ESRRB: variants seen among roughly 807,000 people sequenced by gnomAD.
ESRRB encodes the protein estrogen related receptor beta.
Under a neutral mutation model 46.0 loss-of-function variants are expected in ESRRB, and 16 were observed. The ratio of observed to expected loss-of-function variants is 0.35; its 90% CI spans 0.24 to 0.53. ESRRB has a LOEUF of 0.53. Among genes scored for constraint, ESRRB ranks in the 20% least tolerant of loss-of-function variants. The pLI is 0.93. For missense variants in ESRRB, 488 were observed against 607.4 expected, an observed-to-expected ratio of 0.80 and a Z score of 2.07; for synonymous variants, 246 against 259.6, an observed-to-expected ratio of 0.95 and a Z score of 0.50.
upstream of ESRRB, among the ~76,000 whole-genome samples, chr14:76,366,795 C>G (rs1884527311): frequency 6.6e-6 from 1 of 152,132 alleles, no homozygotes. Flanking sequence ...ATCCTGGCAG[C>G]TGAACCGGAA....
intron 1 of ESRRB, among the ~76,000 whole-genome samples, chr14:76,339,941 G>T (rs547782786): frequency 6.6e-6 from 1 of 152,098 alleles, no homozygotes; most frequent in Admixed American, 6.5e-5. Flanking sequence ...GGGAGAGGCC[G>T]GGACACATCC....
chr14:76,486,304 C>T (rs1890015207), intron 5 of ESRRB, among the ~76,000 whole-genome samples: 1 of 152,196 alleles, frequency 6.6e-6, no homozygotes, highest in Non-Finnish European at 1.5e-5. Context: ...TTCCACCACC[C>T]TGCCCTGCCC....
intron 2 of ESRRB, among the ~76,000 whole-genome samples, chr14:76,445,346 C>G (rs1028538153): frequency 4.0e-5 from 6 of 150,982 alleles, no homozygotes; most frequent in African/African-American, 1.5e-4. Context: ...TGGCGCATGC[C>G]TGTAATCCCA....
At chr14:76,443,345 C>A (rs1371153601) in intron 2 of ESRRB, among the ~76,000 whole-genome samples, 1 of 152,152 alleles carries the variant, frequency 6.6e-6, no homozygotes, top group African/African-American at 2.4e-5. Context: ...GCACCCTGGT[C>A]TCTGCCCGCT....
intron 1 of ESRRB, among the ~76,000 whole-genome samples, chr14:76,423,037 A>T (rs1887038399): frequency 6.6e-6 from 1 of 152,130 alleles, no homozygotes; most frequent in Admixed American, 6.6e-5. Flanking sequence ...TTGCTCTCAG[A>T]CTAGCCTCTC....
intron 1 of ESRRB, among the ~76,000 whole-genome samples, chr14:76,323,366 G>A (rs1883891157): frequency 6.6e-6 from 1 of 150,736 alleles, no homozygotes. Flanking sequence ...CTGGAGTGGA[G>A]TGGTAGGAAC....
At chr14:76,358,766 GC>G (rs1328858495) in intron 1 of ESRRB, among the ~76,000 whole-genome samples, 6 of 152,218 alleles carry the variant, frequency 3.9e-5, no homozygotes, top group Admixed American at 2.6e-4. Context: ...GTTTTTAAAA[GC>G]CCTGTTTTCT....
chr14:76,356,236 T>C (rs1566859140), intron 1 of ESRRB, among the ~76,000 whole-genome samples: 2 of 152,220 alleles, frequency 1.3e-5, no homozygotes, highest in Admixed American at 6.5e-5. Context: ...CTGACCCTCC[T>C]TACCCTTTCT....
In ESRRB at chr14:76,498,800, C is replaced by A; in HGVS notation, c.*342C>A. 1 of 596,982 alleles carries A rather than the reference C, an allele frequency of 1.7e-6. No homozygotes were observed. Among genetic ancestry groups the A allele is most frequent in the Non-Finnish European group, 3.3e-6 (1 of 307,074 alleles). The allele number at this position is 596,982 out of a possible 1,614,324, so 37.0% of individuals were successfully genotyped here. On this transcript the variant is annotated 3_prime_UTR_variant, in exon 7 of 7. Transcript: ENST00000644823. ...TGCCCTCTCCCCTCCACCGAGCCACCAAGAGGCAGCATGTGCATTTCCTAA... is the reference window on the plus strand; with the variant it reads ...TGCCCTCTCCCCTCCACCGAGCCACAAAGAGGCAGCATGTGCATTTCCTAA...
intron 1 of ESRRB, among the ~76,000 whole-genome samples, chr14:76,327,524 G>T (rs1487931690): frequency 1.3e-5 from 2 of 151,286 alleles, no homozygotes; most frequent in African/African-American, 4.9e-5. Flanking sequence ...GATGAGCCAG[G>T]CACTGCGCTC....
chr14:76,466,800 C>T (rs922495886), intron 3 of ESRRB, among the ~76,000 whole-genome samples: 6 of 151,942 alleles, frequency 3.9e-5, no homozygotes, highest in African/African-American at 1.5e-4. Context: ...CTAGGCTCAC[C>T]ACACCCTCCA....
At chr14:76,427,813 T>C (rs778492651) in intron 1 of ESRRB, among the ~76,000 whole-genome samples, 1 of 152,086 alleles carries the variant, frequency 6.6e-6, no homozygotes, top group Non-Finnish European at 1.5e-5. Flanking sequence ...ATAATTCACA[T>C]CCCCATTTTA....
At chr14:76,374,266 G>A (rs887965504), upstream of ESRRB, among the ~76,000 whole-genome samples, 3 of 152,220 alleles carry the variant, frequency 2.0e-5, no homozygotes, top group Non-Finnish European at 4.4e-5. Context: ...AGTGAGGGAA[G>A]GGTGGAGGAG....
In ESRRB at chr14:76,500,073, TTC is replaced by T; in HGVS notation, c.*1617_*1618del. The T allele has an allele frequency of 6.5e-7, 1 of 1,548,712 alleles. No homozygotes were observed. The highest frequency in any genetic ancestry group is 2.0e-5 in the Admixed American group (1 of 50,926). ...TAGGACACCAGGAGGCCAGGTAACT[TTC>T]TGCAGCTTTTCCATAGAAGCCCTGG... is the stretch of plus-strand genomic sequence containing the variant. On this transcript the variant is annotated 3_prime_UTR_variant, in exon 7 of 7. Transcript: ENST00000644823.
At chr14:76,420,600 T>C (rs1403758725) in intron 1 of ESRRB, among the ~76,000 whole-genome samples, 1 of 150,374 alleles carries the variant, frequency 6.7e-6, no homozygotes, top group Non-Finnish European at 1.5e-5. Flanking sequence ...TGTGTTTGTG[T>C]ATGAGAGAGA....
Position 76,476,991 on chromosome 14 carries a change from C to G in ESRRB, c.578-5025C>G, listed in dbSNP as rs542011361. 8.9e-4 allele frequency among the ~76,000 whole-genome samples: 135 copies of G among 152,344 alleles called. 1 individual carries two copies. The highest frequency in any genetic ancestry group is 3.2e-3 in the African/African-American group (131 of 41,580). On this transcript the variant is annotated intron_variant, in intron 3 of 6. Coordinates refer to ENST00000644823, the MANE Select transcript of ESRRB (RefSeq NM_001379180.1). ...CCTGTGGTCCCAGCTACTCGAGAGG[C>G]TGAGGCATGAGAATGGCTTGAACCT...
At chr14:76,458,453 CACACACACACACACACAA>C (rs1238763243) in intron 2 of ESRRB, among the ~76,000 whole-genome samples, 1 of 94,094 alleles carries the variant, frequency 1.1e-5, no homozygotes, top group Non-Finnish European at 2.4e-5. Context: ...CACACACACA[CACACACACACACACACAA>C]ACACACACAC....
At chr14:76,365,535 C>T (rs867449492) in intron 1 of ESRRB, among the ~76,000 whole-genome samples, 3 of 152,132 alleles carry the variant, frequency 2.0e-5, no homozygotes, top group South Asian at 2.1e-4. Context: ...TGTTTGAACG[C>T]AGGGGTATGT....
intron 1 of ESRRB, among the ~76,000 whole-genome samples, chr14:76,324,148 A>T (rs566032388): frequency 6.6e-6 from 1 of 152,322 alleles, no homozygotes; most frequent in African/African-American, 2.4e-5. Flanking sequence ...AAGGAAAAAT[A>T]GGGCGGCAGG....
Sources: allele counts gnomAD v4.1 joint callset (sites outside exome capture counted in the v4.1 genomes callset), GRCh38; gene constraint gnomAD v4.1.1; transcripts MANE v1.5; gene names NCBI Gene and HGNC (gene_info 2026-07-23, HGNC 2026-07-21).